Variants in PHLPP2 observed in about 807,000 individuals in gnomAD.
PHLPP2 encodes PH domain leucine-rich repeat-containing protein phosphatase 2.
Under a neutral mutation model 124.9 loss-of-function variants are expected in PHLPP2, and 66 were observed. That is an observed-to-expected ratio of 0.53 (90% CI 0.43 to 0.65). The LOEUF (loss-of-function observed/expected upper bound fraction) is 0.65, where lower values mean the gene tolerates loss of function less well. PHLPP2 is among the 30% of genes least tolerant of loss of function. The pLI, the probability that PHLPP2 is intolerant of heterozygous loss-of-function variation, is 0.00. For synonymous variants in PHLPP2, 681 were observed against 624.7 expected, an observed-to-expected ratio of 1.09 and a Z score of -1.34; for missense variants, 1,685 against 1,600.4, an observed-to-expected ratio of 1.05 and a Z score of -0.90.
intron 3 of PHLPP2, among the ~76,000 whole-genome samples, chr16:71,695,801 A>G (rs1303146793): frequency 6.6e-6 from 1 of 152,166 alleles, no homozygotes; most frequent in Non-Finnish European, 1.5e-5. Flanking sequence ...GGGTGAAAAA[A>G]GCATGAAGAC....
intron 4 of PHLPP2, 65 bp downstream of exon 4, chr16:71,690,454 C>T (rs1349458819): frequency 1.9e-6 from 2 of 1,078,824 alleles, no homozygotes; most frequent in Non-Finnish European, 2.8e-6. Flanking sequence ...CTATGAAAAG[C>T]ATTATGTGAT....
intron 2 of PHLPP2, among the ~76,000 whole-genome samples, chr16:71,710,727 G>A (rs998630004): frequency 6.6e-6 from 1 of 152,222 alleles, no homozygotes; most frequent in Non-Finnish European, 1.5e-5. Context: ...CAGGTGGACA[G>A]TTTAAGCAGC....
intron 16 of PHLPP2, among the ~76,000 whole-genome samples, chr16:71,655,814 T>C (rs760330663): frequency 3.3e-5 from 5 of 152,114 alleles, no homozygotes; most frequent in African/African-American, 4.8e-5. Context: ...AAAAAGTAAG[T>C]ATTAATTAAA....
intron 4 of PHLPP2, among the ~76,000 whole-genome samples, chr16:71,687,966 T>G (rs993848462): frequency 6.6e-6 from 1 of 152,076 alleles, no homozygotes; most frequent in South Asian, 2.1e-4. Context: ...TTAAAAAAAA[T>G]AGAGGAGTCA....
intron 3 of PHLPP2, among the ~76,000 whole-genome samples, chr16:71,695,674 C>T (rs1386723507): frequency 6.7e-6 from 1 of 150,152 alleles, no homozygotes; most frequent in African/African-American, 2.5e-5. Flanking sequence ...CATGCCACTG[C>T]ACTCCAGCCT....
chr16:71,670,661 A>T (rs1254463924), intron 10 of PHLPP2, among the ~76,000 whole-genome samples: 1 of 147,006 alleles, frequency 6.8e-6, no homozygotes, highest in Non-Finnish European at 1.5e-5. Flanking sequence ...GAAGAGACAA[A>T]GTATGTGTAC....
At chr16:71,655,653 C>A (rs1181128473) in intron 16 of PHLPP2, among the ~76,000 whole-genome samples, 3 of 151,966 alleles carry the variant, frequency 2.0e-5, no homozygotes, top group Non-Finnish European at 4.4e-5. Flanking sequence ...CAGGTGCCTG[C>A]CACCACGCTG....
At chr16:71,655,043 C>G in intron 17 of PHLPP2, 197 bp downstream of exon 17, 1 of 519,602 alleles carries the variant, frequency 1.9e-6, no homozygotes, top group South Asian at 3.3e-5. Context: ...ACAGAGAAAA[C>G]AGATGACCCC....
Position 71,657,186 on chromosome 16 carries a change from G to A in PHLPP2, c.2280-505C>T, listed in dbSNP as rs186858839. Among the ~76,000 whole-genome samples the A allele has an allele frequency of 2.0e-4, 30 of 151,022 alleles. 1 individual carries two copies. The East Asian group carries it at 4.8e-3, about 24-fold the overall frequency. ...TCGAACTCCTGACCTCAAGTGATCC[G>A]CCCGCCTCGGCCTCCCAAAGTGCTG... is the stretch of plus-strand genomic sequence containing the variant. On this transcript the variant is annotated intron_variant, in intron 15 of 18. Coordinates refer to ENST00000568954, the MANE Select transcript of PHLPP2 (RefSeq NM_015020.3).
intron 1 of PHLPP2, among the ~76,000 whole-genome samples, chr16:71,720,971 G>A (rs2045394826): frequency 6.6e-6 from 1 of 152,040 alleles, no homozygotes; most frequent in African/African-American, 2.4e-5. Context: ...GAATACACAC[G>A]TTATTAAATA....
intron 2 of PHLPP2, among the ~76,000 whole-genome samples, chr16:71,710,667 AG>A (rs2045317995): frequency 6.6e-6 from 1 of 152,268 alleles, no homozygotes; most frequent in African/African-American, 2.4e-5. Context: ...GTACATTCTC[AG>A]GCTCCACCTA....
chr16:71,656,681 G>A lies in PHLPP2; in HGVS notation c.2280C>T (p.Ser760=). 1 of 1,548,984 alleles carries A rather than the reference G, an allele frequency of 6.5e-7. No individual in the cohort carries two copies. The highest frequency in any genetic ancestry group is 8.9e-7 in the Non-Finnish European group (1 of 1,120,816). The change falls in exon 16 of 19, where the codon AGC becomes AGT. Residue 760 remains serine (S), a splice_region_variant and synonymous_variant. Transcript: ENST00000568954. The part of the protein sequence containing the change: ...VLEHKTLDIF[S]HITTLKIDQK... ...GATCAATTTTCAGGGTTGTGATATGGCTGTGGGAGGTGAAGGAAGATTAAA... is the reference window on the plus strand; with the variant it reads ...GATCAATTTTCAGGGTTGTGATATGACTGTGGGAGGTGAAGGAAGATTAAA...
intron 12 of PHLPP2, among the ~76,000 whole-genome samples, chr16:71,665,150 A>T (rs1260189429): frequency 6.6e-6 from 1 of 152,126 alleles, no homozygotes; most frequent in Non-Finnish European, 1.5e-5. Context: ...TCTACTAAAA[A>T]TACAAAAAAA....
chr16:71,656,729 C>A (rs758033568), intron 15 of PHLPP2, 48 bp from the exon 16 acceptor site: 3 of 1,059,504 alleles, frequency 2.8e-6, no homozygotes, highest in Non-Finnish European at 4.3e-6. Context: ...CTGTATTTTA[C>A]AAAAACTATC....
intron 13 of PHLPP2, 44 bp from the exon 14 acceptor site, chr16:71,658,859 C>A (rs756357010): frequency 1.9e-6 from 3 of 1,580,602 alleles, no homozygotes; most frequent in Admixed American, 1.7e-5. Flanking sequence ...CAAGACTGAG[C>A]AGCTGCCAAG....
chr16:71,662,767 A>C (rs2044803332), intron 13 of PHLPP2, among the ~76,000 whole-genome samples: 1 of 151,886 alleles, frequency 6.6e-6, no homozygotes, highest in African/African-American at 2.4e-5. Flanking sequence ...ATGTGTCTGC[A>C]GTTTCAGGTA....
In PHLPP2 at chr16:71,652,824, T is replaced by C. The variant is rs113822149; in HGVS notation, c.2783A>G (p.Gln928Arg). The C allele has an allele frequency of 8.7e-6, 14 of 1,614,158 alleles. No homozygotes were observed. The African/African-American group carries it at 1.2e-4, about 14-fold the overall frequency. ...GATGGCTTTTTGGTCCTTCACCCTT[T>C]GAGCCTCCTCTGGGTCCTGCTCCAG... ...FSLEQDPEEAQRVKDQKAIIT... is the reference protein window; with the variant it reads ...FSLEQDPEEARRVKDQKAIIT... The change falls in exon 18 of 19, where the codon CAA becomes CGA. Residue 928 changes from glutamine (Q) to arginine (R), a missense_variant. Coordinates refer to ENST00000568954, the MANE Select transcript of PHLPP2 (RefSeq NM_015020.3).
intron 2 of PHLPP2, among the ~76,000 whole-genome samples, chr16:71,708,678 C>T (rs1483952213): frequency 3.3e-5 from 5 of 152,230 alleles, no homozygotes; most frequent in Non-Finnish European, 5.9e-5. Context: ...CCCAGCTACT[C>T]GGGAGGCTGA....
At position 71,690,470 on chromosome 16, in the gene PHLPP2, CTTAA is replaced by C. The variant is rs776256373; in HGVS notation, c.609+45_609+48del. On this transcript the variant is annotated intron_variant, in intron 4 of 18. Coordinates refer to ENST00000568954, the MANE Select transcript of PHLPP2 (RefSeq NM_015020.3). ...TATGAAAAGCATTATGTGATATTTTCTTAATTAAGATGATCAAATGAAAAATAAT... is the reference window on the plus strand; with the variant it reads ...TATGAAAAGCATTATGTGATATTTTCTTAAGATGATCAAATGAAAAATAAT... The C allele has an allele frequency of 8.0e-6, 10 of 1,254,570 alleles. 1 individual carries two copies. Among genetic ancestry groups the C allele is most frequent in the South Asian group, 5.3e-5 (4 of 75,740 alleles). The allele number at this position is 1,254,570 out of a possible 1,614,324, so 77.7% of individuals were successfully genotyped here.
Sources: gnomAD v4.1 joint callset for allele counts (sites outside exome capture counted in the v4.1 genomes callset) on GRCh38, gnomAD v4.1.1 for gene constraint, MANE v1.5 for transcripts, NCBI Gene and HGNC (gene_info 2026-07-23, HGNC 2026-07-21) for gene names.